DLG2: variants seen among roughly 807,000 people sequenced by gnomAD.
The protein encoded by DLG2 is disks large homolog 2.
Under a neutral mutation model 132.5 loss-of-function variants are expected in DLG2, and 45 were observed. That is an observed-to-expected ratio of 0.34 (90% CI 0.27 to 0.44). The LOEUF is 0.44. DLG2 is among the 20% of genes least tolerant of loss of function. DLG2 has a pLI of 1.00. For synonymous variants in DLG2, 424 were observed against 419.6 expected, an observed-to-expected ratio of 1.01 and a Z score of -0.13; for missense variants, 1,045 against 1,196.9, an observed-to-expected ratio of 0.87 and a Z score of 1.87.
chr11:84,750,572 TG>T (rs1406767754), intron 6 of DLG2, among the ~76,000 whole-genome samples: 43 of 152,108 alleles, frequency 2.8e-4, no homozygotes, highest in Admixed American at 1.3e-4. Context: ...TAATAGTTAT[TG>T]AAAAAAACTA....
intron 6 of DLG2, among the ~76,000 whole-genome samples, chr11:84,615,818 TAA>T (rs559199428): frequency 1.3e-4 from 9 of 67,612 alleles, no homozygotes; most frequent in South Asian, 1.1e-3. Context: ...ACAAAAACGG[TAA>T]AAAAAAAAAA....
intron 6 of DLG2, among the ~76,000 whole-genome samples, chr11:84,649,865 A>C (rs1382485073): frequency 6.6e-6 from 1 of 152,146 alleles, no homozygotes; most frequent in Non-Finnish European, 1.5e-5. Context: ...CCTTCCATCA[A>C]CACATCTCCA....
intron 6 of DLG2, among the ~76,000 whole-genome samples, chr11:84,768,168 C>A (rs1173587154): frequency 5.3e-5 from 8 of 152,124 alleles, no homozygotes; most frequent in Admixed American, 5.2e-4. Flanking sequence ...TAAAGTTATG[C>A]ACAAAGAAAA....
Position 84,841,042 on chromosome 11 carries a change from T to C in DLG2, c.357+270619A>G, listed in dbSNP as rs144868695. Among the ~76,000 whole-genome samples, 561 of 149,172 alleles carry C rather than the reference T, an allele frequency of 3.8e-3. 2 individuals are homozygous for C. The highest frequency in any genetic ancestry group is 0.026 in the South Asian group (122 of 4,748). ...AAATGGAAACAGTAAGTAGGGGGGATAAACTCTTCATTTATTGCCACACTA... is the reference window on the plus strand; with the variant it reads ...AAATGGAAACAGTAAGTAGGGGGGACAAACTCTTCATTTATTGCCACACTA... On this transcript the variant is annotated intron_variant, in intron 6 of 27. Coordinates refer to ENST00000376104, the MANE Select transcript of DLG2 (RefSeq NM_001142699.3).
At position 84,150,825 on chromosome 11, in the gene DLG2, GAAT is replaced by G. The variant is rs373122533; in HGVS notation, c.624+12633_624+12635del. 3.1e-4 allele frequency among the ~76,000 whole-genome samples: 47 copies of G among 152,130 alleles called. No individual in the cohort carries two copies. The East Asian group carries it at 8.3e-3, about 27-fold the overall frequency. ...GAGATTTTTTATGATGAAGGATGTTGAATTTTATCCAAAGCTTTTTCTAAATCT... is the reference window on the plus strand; with the variant it reads ...GAGATTTTTTATGATGAAGGATGTTGTTTATCCAAAGCTTTTTCTAAATCT... On this transcript the variant is annotated intron_variant, in intron 9 of 27. Transcript: ENST00000376104.
At chr11:85,585,419 T>C (rs1347879146) in intron 3 of DLG2, among the ~76,000 whole-genome samples, 1 of 152,212 alleles carries the variant, frequency 6.6e-6, no homozygotes, top group Non-Finnish European at 1.5e-5. Context: ...TTCACTTGTC[T>C]GATTGCTCTA....
intron 19 of DLG2, chr11:83,631,976 G>C (rs1263993170): frequency 6.6e-6 from 1 of 152,156 alleles, no homozygotes; most frequent in Non-Finnish European, 1.5e-5. Context: ...ACATGTTTTA[G>C]GGTGGTTCTG....
At chr11:84,631,069 T>C (rs2099631283) in intron 6 of DLG2, among the ~76,000 whole-genome samples, 1 of 138,728 alleles carries the variant, frequency 7.2e-6, no homozygotes. Flanking sequence ...GAAACCACGT[T>C]TTGTTTCTAC....
chr11:83,541,987 C>T (rs939064818), intron 19 of DLG2, 129 bp from the exon 20 acceptor site: 43 of 834,824 alleles, frequency 5.2e-5, no homozygotes, highest in Non-Finnish European at 7.0e-5. Flanking sequence ...CGGAATGATT[C>T]CCTGGATCAC....
chr11:84,749,735 T>C (rs1027526799), intron 6 of DLG2, among the ~76,000 whole-genome samples: 1 of 152,146 alleles, frequency 6.6e-6, no homozygotes, highest in African/African-American at 2.4e-5. Context: ...TAAAAAAATA[T>C]ATATAAGGAA....
chr11:85,348,438 T>C (rs919161072), intron 3 of DLG2, among the ~76,000 whole-genome samples: 1 of 151,798 alleles, frequency 6.6e-6, no homozygotes, highest in African/African-American at 2.4e-5. Flanking sequence ...TTGGTCAGGA[T>C]GGTCTCAATC....
chr11:85,330,792 T>TAAAAAAA (rs56995757), intron 3 of DLG2, among the ~76,000 whole-genome samples: 19 of 116,480 alleles, frequency 1.6e-4, no homozygotes, highest in East Asian at 2.5e-4. Context: ...AAAAAAAAAT[T>TAAAAAAA]AAAAAAAAAA....
chr11:84,891,898 T>C (rs2089456564), intron 6 of DLG2, among the ~76,000 whole-genome samples: 1 of 152,174 alleles, frequency 6.6e-6, no homozygotes, highest in African/African-American at 2.4e-5. Flanking sequence ...AAAAATAGGA[T>C]GCACCATTTA....
chr11:83,578,760 C>T (rs1333946573), intron 19 of DLG2, among the ~76,000 whole-genome samples: 1 of 152,144 alleles, frequency 6.6e-6, no homozygotes. Context: ...AAAATGTGAA[C>T]ATTAGCAACT....
intron 3 of DLG2, among the ~76,000 whole-genome samples, chr11:85,548,415 G>A (rs1021048682): frequency 5.9e-5 from 9 of 152,186 alleles, no homozygotes; most frequent in African/African-American, 2.2e-4. Context: ...GCTCTATGAG[G>A]TATCTGTCAT....
intron 19 of DLG2, among the ~76,000 whole-genome samples, chr11:83,596,713 C>T (rs897483324): frequency 1.3e-5 from 2 of 152,208 alleles, no homozygotes; most frequent in African/African-American, 2.4e-5. Flanking sequence ...TCTGCAGTTT[C>T]CACGTTTTAA....
At chr11:83,852,704 T>A (rs1052138612) in intron 16 of DLG2, among the ~76,000 whole-genome samples, 3 of 152,236 alleles carry the variant, frequency 2.0e-5, no homozygotes, top group Non-Finnish European at 4.4e-5. Flanking sequence ...ATAAATGTCC[T>A]GTATAAATGT....
intron 18 of DLG2, among the ~76,000 whole-genome samples, chr11:83,734,387 CCTTCCTTCCTTCCTTCCT>C (rs1593303507): frequency 6.8e-6 from 1 of 146,304 alleles, no homozygotes; most frequent in African/African-American, 2.6e-5. Flanking sequence ...TTCCTTCCTT[CCTTCCTTCCTTCCTTCCT>C]TCCCTCCCTC....
chr11:84,053,471 A>G (rs2096440079), intron 11 of DLG2, among the ~76,000 whole-genome samples: 1 of 151,978 alleles, frequency 6.6e-6, no homozygotes, highest in South Asian at 2.1e-4. Context: ...ATAGTATTTT[A>G]TATTAAATAT....
Sources: gnomAD v4.1 joint callset for allele counts (sites outside exome capture counted in the v4.1 genomes callset) on GRCh38, gnomAD v4.1.1 for gene constraint, MANE v1.5 for transcripts, NCBI Gene and HGNC (gene_info 2026-07-23, HGNC 2026-07-21) for gene names.